OTC: variants seen among roughly 807,000 people sequenced by gnomAD.
OTC encodes ornithine transcarbamylase, mitochondrial.
In OTC, 3 loss-of-function variants were observed where a neutral mutation model predicts 30.3. The ratio of observed to expected loss-of-function variants is 0.10; its 90% CI spans 0.05 to 0.26. The LOEUF is 0.26. Among genes scored for constraint, OTC ranks in the 10% least tolerant of loss-of-function variants. The pLI, the probability that OTC is intolerant of heterozygous loss-of-function variation, is 1.00. For synonymous variants in OTC, 111 were observed against 99.7 expected (o/e 1.11, Z -0.67); for missense variants, 194 against 260.3 (o/e 0.75, Z 1.75).
the OTC span, among the ~76,000 whole-genome samples, chrX:38,337,445 C>T: frequency 5.4e-5 from 6 of 111,893 alleles, no homozygotes; most frequent in Admixed American, 1.9e-4. Flanking sequence ...TCCAAATTTC[C>T]TTGCCTCCAG....
chrX:38,380,059 A>T (rs2068368177), intron 3 of OTC, among the ~76,000 whole-genome samples: 1 of 112,053 alleles, frequency 8.9e-6, no homozygotes, highest in Non-Finnish European at 1.9e-5. Flanking sequence ...TTTTACCCCA[A>T]AATACATCAG....
At position 38,421,242 on chromosome X, in the gene OTC, CTTTAA is replaced by C. The variant is rs751457441; in HGVS notation, c.*166_*170del. 10 of 467,514 alleles carry C rather than the reference CTTTAA, an allele frequency of 2.1e-5. No individual in the cohort carries two copies. The highest frequency in any genetic ancestry group is 3.9e-5 in the East Asian group (1 of 25,772). 38.5% of individuals were successfully genotyped at this position (467,514 alleles called of 1,213,427 possible). Reference sequence around the variant, plus strand: ...TGCCATTGTGAAACTTTCCTTAAGCCTTTAATTTAAGTGCTGATGCACTGTAATAC... The same window carrying C: ...TGCCATTGTGAAACTTTCCTTAAGCCTTTAAGTGCTGATGCACTGTAATAC... On this transcript the variant is annotated 3_prime_UTR_variant, in exon 10 of 10. Transcript: ENST00000039007.
the OTC span, among the ~76,000 whole-genome samples, chrX:38,331,322 C>T: frequency 5.1e-4 from 54 of 106,643 alleles, no homozygotes; most frequent in East Asian, 5.6e-3. Flanking sequence ...GGCATGATCT[C>T]GGCTCACTGC....
At chrX:38,387,352 T>C (rs2068409183) in intron 4 of OTC, among the ~76,000 whole-genome samples, 1 of 112,257 alleles carries the variant, frequency 8.9e-6, no homozygotes, top group Non-Finnish European at 1.9e-5. Flanking sequence ...GTTAGTAAGA[T>C]TTTAAAAATT....
At position 38,367,306 on chromosome X, in the gene OTC, A is replaced by G. The variant is rs2068301228; in HGVS notation, c.93A>G (p.Leu31=). ...MVRNFRCGQP[L]QNKVQLKGRD... Reference sequence around the variant, plus strand: ...CTTTTTACAGGTGTGGACAACCACTACAAAATAAAGTGCAGCTGAAGGGCC... The same window carrying G: ...CTTTTTACAGGTGTGGACAACCACTGCAAAATAAAGTGCAGCTGAAGGGCC... The change falls in exon 2 of 10, where the codon CTA becomes CTG. Residue 31 remains leucine (L), a synonymous_variant. Transcript: ENST00000039007. The G allele has an allele frequency of 8.3e-7, 1 of 1,208,756 alleles. No homozygotes were observed. The highest frequency in any genetic ancestry group is 3.0e-5 in the East Asian group (1 of 33,866).
chrX:38,355,348 T>C (rs1247133383), intron 1 of OTC, among the ~76,000 whole-genome samples: 1 of 112,064 alleles, frequency 8.9e-6, no homozygotes, highest in Non-Finnish European at 1.9e-5. Context: ...GAATATCCTA[T>C]GATTTGTTGC....
downstream of OTC, among the ~76,000 whole-genome samples, chrX:38,422,058 G>T (rs767435160): frequency 8.9e-6 from 1 of 111,826 alleles, no homozygotes; most frequent in Non-Finnish European, 1.9e-5. Flanking sequence ...GAATTTTTTA[G>T]TTAAAATGTT....
chrX:38,359,701 A>G (rs1381660327), intron 1 of OTC, among the ~76,000 whole-genome samples: 2 of 110,390 alleles, frequency 1.8e-5, no homozygotes, highest in Non-Finnish European at 3.8e-5. Context: ...GATTACAGGC[A>G]TGAGCCACCG....
At chrX:38,386,507 T>C (rs2068403995) in intron 4 of OTC, among the ~76,000 whole-genome samples, 1 of 111,275 alleles carries the variant, frequency 9.0e-6, no homozygotes, top group African/African-American at 3.3e-5. Context: ...TTTCTCCTTT[T>C]ATGTATTTGA....
chrX:38,373,366 G>A (rs913926949), intron 3 of OTC, among the ~76,000 whole-genome samples: 1 of 112,691 alleles, frequency 8.9e-6, no homozygotes, highest in African/African-American at 3.2e-5. Context: ...GTAGCTGTGT[G>A]TAGTTGTAGA....
chrX:38,386,478 CT>C (rs1314113573), intron 4 of OTC, among the ~76,000 whole-genome samples: 1 of 110,553 alleles, frequency 9.0e-6, no homozygotes, highest in Non-Finnish European at 1.9e-5. Context: ...CCTCCAACCC[CT>C]GGCAACCACC....
At chrX:38,348,568 G>C (rs2068200373), upstream of OTC, among the ~76,000 whole-genome samples, 1 of 89,748 alleles carries the variant, frequency 1.1e-5, no homozygotes, top group Non-Finnish European at 2.1e-5. Flanking sequence ...ATGGAGTCTT[G>C]CTCAGTCGCT....
intron 1 of OTC, among the ~76,000 whole-genome samples, chrX:38,364,831 A>G (rs1444856670): frequency 9.0e-6 from 1 of 110,891 alleles, no homozygotes; most frequent in Non-Finnish European, 1.9e-5. Context: ...TTAGCCAACC[A>G]ACTGACAAAC....
At chrX:38,397,753 C>T (rs2068464608) in intron 4 of OTC, among the ~76,000 whole-genome samples, 2 of 111,486 alleles carry the variant, frequency 1.8e-5, no homozygotes, top group Non-Finnish European at 3.8e-5. Flanking sequence ...AGCCCACTTT[C>T]CTCCCACCTC....
At chrX:38,419,201 G>A (rs941865649) in intron 9 of OTC, among the ~76,000 whole-genome samples, 1 of 111,815 alleles carries the variant, frequency 8.9e-6, no homozygotes, top group African/African-American at 3.2e-5. Context: ...TAATGTGTCT[G>A]TTTTTATGAC....
chrX:38,399,008 C>T (rs917884842), intron 4 of OTC, among the ~76,000 whole-genome samples: 11 of 111,888 alleles, frequency 9.8e-5, no homozygotes, highest in Non-Finnish European at 2.1e-4. Context: ...AATTCCCTCC[C>T]TGCCAAGGAT....
intron 1 of OTC, among the ~76,000 whole-genome samples, chrX:38,356,193 G>A (rs763543363): frequency 8.1e-4 from 80 of 98,661 alleles, no homozygotes; most frequent in Non-Finnish European, 1.4e-3. Context: ...ATTGAGTAAC[G>A]TAACTTAGAT....
chrX:38,332,530 A>ATATATATATATATATC, the OTC span, among the ~76,000 whole-genome samples: 1 of 90,096 alleles, frequency 1.1e-5, no homozygotes, highest in Non-Finnish European at 2.2e-5. Flanking sequence ...ATATATATAT[A>ATATATATATATATATC]TATCATATAA....
the OTC span, among the ~76,000 whole-genome samples, chrX:38,335,560 G>GA: frequency 5.3e-5 from 6 of 112,541 alleles, no homozygotes; most frequent in African/African-American, 1.6e-4. Context: ...GTCTCTGACA[G>GA]AAAAAATTGA....
Sources: allele counts gnomAD v4.1 joint callset (sites outside exome capture counted in the v4.1 genomes callset), GRCh38; gene constraint gnomAD v4.1.1; transcripts MANE v1.5; gene names NCBI Gene and HGNC (gene_info 2026-07-23, HGNC 2026-07-21).